Variants in PRSS23 observed in about 807,000 individuals in gnomAD.
The protein encoded by PRSS23 is protease, serine 23.
Under a neutral mutation model 34.7 loss-of-function variants are expected in PRSS23, and 25 were observed. The ratio of observed to expected loss-of-function variants is 0.72; its 90% CI spans 0.53 to 1.01. The LOEUF is 1.01. Ranked by LOEUF, PRSS23 falls within the 50% of genes least tolerant of loss-of-function variation. The pLI is 0.00. For synonymous variants in PRSS23, 176 were observed against 186.6 expected (o/e 0.94, Z 0.46); for missense variants, 445 against 475.6 (o/e 0.94, Z 0.60).
At chr11:86,923,208 C>T (rs1007139707) in intron 2 of PRSS23, among the ~76,000 whole-genome samples, 20 of 150,450 alleles carry the variant, frequency 1.3e-4, no homozygotes, top group Admixed American at 6.6e-4. Flanking sequence ...ACTGCAACCT[C>T]GAACTCCTGG....
chr11:86,933,894 G>C (rs911050200), intron 2 of PRSS23: 1 of 152,100 alleles, frequency 6.6e-6, no homozygotes, highest in African/African-American at 2.4e-5. Flanking sequence ...CTAATGATGC[G>C]ACGAGATCAT....
At chr11:86,938,729 G>A (rs1394631748) in intron 2 of PRSS23, among the ~76,000 whole-genome samples, 4 of 151,692 alleles carry the variant, frequency 2.6e-5, no homozygotes, top group Admixed American at 2.0e-4. Flanking sequence ...GGCCTTCCGA[G>A]GGGCTGGGGG....
At chr11:86,837,356 T>C (rs1948414704) in intron 2 of PRSS23, 1 of 152,246 alleles carries the variant, frequency 6.6e-6, no homozygotes, top group Non-Finnish European at 1.5e-5. Flanking sequence ...AGATGCCAGT[T>C]ATGTTCTCTG....
intron 2 of PRSS23, among the ~76,000 whole-genome samples, chr11:86,941,697 A>G (rs1346747437): frequency 1.3e-5 from 2 of 152,224 alleles, no homozygotes; most frequent in African/African-American, 4.8e-5. Context: ...AATATTTAAA[A>G]GAGACAACTT....
At chr11:86,939,415 TATA>T (rs1949189128) in intron 2 of PRSS23, among the ~76,000 whole-genome samples, 3 of 85,644 alleles carry the variant, frequency 3.5e-5, no homozygotes, top group Admixed American at 1.3e-4. Flanking sequence ...TATATATATA[TATA>T]TATATATATT....
intron 2 of PRSS23, chr11:86,951,188 C>T (rs756889974): frequency 1.2e-6 from 2 of 1,614,002 alleles, no homozygotes; most frequent in South Asian, 1.1e-5. Context: ...CCAACCATTT[C>T]CTCTCTTCTC....
chr11:86,831,811 C>T (rs1385191774), intron 2 of PRSS23, among the ~76,000 whole-genome samples: 8 of 151,858 alleles, frequency 5.3e-5, no homozygotes, highest in Non-Finnish European at 7.4e-5. Context: ...AGTGTCGCAG[C>T]GGGTATACAC....
chr11:86,844,835 A>G (rs1477302215), intron 2 of PRSS23, among the ~76,000 whole-genome samples: 1 of 152,218 alleles, frequency 6.6e-6, no homozygotes, highest in Non-Finnish European at 1.5e-5. Context: ...CATGCCTGTA[A>G]TCCCAGCACT....
chr11:86,949,757 T>C (rs1171514581), intron 2 of PRSS23: 1 of 152,702 alleles, frequency 6.5e-6, no homozygotes, highest in Non-Finnish European at 1.5e-5. Context: ...GTCTACACTT[T>C]ATTCCCTACT....
At chr11:86,842,627 C>T (rs552707037) in intron 2 of PRSS23, among the ~76,000 whole-genome samples, 1 of 151,956 alleles carries the variant, frequency 6.6e-6, no homozygotes, top group Admixed American at 6.6e-5. Context: ...CATTCCTATA[C>T]ACCAATAATA....
chr11:86,921,821 A>G (rs1387863687), intron 2 of PRSS23: 1 of 152,234 alleles, frequency 6.6e-6, no homozygotes, highest in Non-Finnish European at 1.5e-5. Context: ...ACCGAAACAC[A>G]CAGTAACCAA....
chr11:86,851,356 G>A (rs1948528261), intron 2 of PRSS23, among the ~76,000 whole-genome samples: 1 of 152,230 alleles, frequency 6.6e-6, no homozygotes. Flanking sequence ...TCCTGTGCCA[G>A]TTCTTTCTGG....
At chr11:86,824,510 G>A (rs1388905668) in intron 2 of PRSS23, among the ~76,000 whole-genome samples, 1 of 148,838 alleles carries the variant, frequency 6.7e-6, no homozygotes. Context: ...TTAAGTTTTA[G>A]GGTACATGTG....
chr11:86,822,511 A>G (rs7931274), intron 1 of PRSS23, among the ~76,000 whole-genome samples: 40,803 of 151,468 alleles, frequency 0.27, 6,111 homozygotes, highest in East Asian at 0.43. Context: ...GTCCCAGCTA[A>G]TCTGGAGGCT....
At chr11:86,828,207 G>T (rs577962201) in intron 2 of PRSS23, among the ~76,000 whole-genome samples, 389 of 152,322 alleles carry the variant, frequency 2.6e-3, no homozygotes, top group Middle Eastern at 6.8e-3. Flanking sequence ...ATTTAGGATA[G>T]TTAGCTCTTC....
At chr11:86,822,283 G>T (rs1948257997) in intron 1 of PRSS23, among the ~76,000 whole-genome samples, 1 of 152,158 alleles carries the variant, frequency 6.6e-6, no homozygotes, top group African/African-American at 2.4e-5. Flanking sequence ...GAGACTTGTA[G>T]TATCATTTAG....
intron 2 of PRSS23, among the ~76,000 whole-genome samples, chr11:86,918,379 TTTATG>T (rs1233732324): frequency 6.6e-6 from 1 of 152,196 alleles, no homozygotes; most frequent in African/African-American, 2.4e-5. Context: ...TCATATATTG[TTTATG>T]TTATAATTGC....
chr11:86,813,970 A>T (rs77274048), downstream of PRSS23, among the ~76,000 whole-genome samples: 1 of 152,232 alleles, frequency 6.6e-6, no homozygotes. Flanking sequence ...TAGAGCCAAC[A>T]TGAATAGGTG....
At chr11:86,891,731 A>C (rs11234865) in intron 2 of PRSS23, among the ~76,000 whole-genome samples, 50,129 of 151,932 alleles carry the variant, frequency 0.33, 9,540 homozygotes, top group Non-Finnish European at 0.42. Context: ...GTTACAAGGG[A>C]CCAGGTGGAG....
Sources: allele counts gnomAD v4.1 joint callset (sites outside exome capture counted in the v4.1 genomes callset), GRCh38; gene constraint gnomAD v4.1.1; transcripts MANE v1.5; gene names NCBI Gene and HGNC (gene_info 2026-07-23, HGNC 2026-07-21).